Variants in COL26A1 observed in about 807,000 individuals in gnomAD.
The protein encoded by COL26A1 is collagen alpha-1(XXVI) chain.
In COL26A1, 41 loss-of-function variants were observed where a neutral mutation model predicts 59.3. That is an observed-to-expected ratio of 0.69 (90% CI 0.54 to 0.90). The LOEUF (loss-of-function observed/expected upper bound fraction) is 0.90, where lower values mean the gene tolerates loss of function less well. Among genes scored for constraint, COL26A1 ranks in the 40% least tolerant of loss-of-function variants. COL26A1 has a pLI of 0.00. For synonymous variants in COL26A1, 266 were observed against 256.0 expected (o/e 1.04, Z -0.37); for missense variants, 612 against 602.3 (o/e 1.02, Z -0.17).
chr7:101,537,208 G>A (rs953437248), intron 4 of COL26A1, among the ~76,000 whole-genome samples: 1 of 152,214 alleles, frequency 6.6e-6, no homozygotes, highest in Non-Finnish European at 1.5e-5. Context: ...CAGGATTTCT[G>A]CCACCCTCTA....
chr7:101,454,318 G>A (rs1233607758), intron 3 of COL26A1, among the ~76,000 whole-genome samples: 1 of 145,726 alleles, frequency 6.9e-6, no homozygotes, highest in African/African-American at 2.6e-5. Context: ...AGACTGGAGT[G>A]CAATGGCATG....
chr7:101,456,004 C>T (rs562472233), intron 3 of COL26A1, among the ~76,000 whole-genome samples: 67 of 152,164 alleles, frequency 4.4e-4, no homozygotes, highest in African/African-American at 1.6e-3. Flanking sequence ...TTCCTTCTCA[C>T]ATAAATTATC....
chr7:101,387,736 T>TTATATATATATATATTTATATATATA (rs1791615247), intron 1 of COL26A1, among the ~76,000 whole-genome samples: 9 of 106,908 alleles, frequency 8.4e-5, no homozygotes, highest in African/African-American at 3.5e-4. Flanking sequence ...TTTAATATAA[T>TTATATATATATATATTTATATATATA]TATATATATA....
chr7:101,499,996 C>T (rs963126673), intron 3 of COL26A1, among the ~76,000 whole-genome samples: 1 of 152,090 alleles, frequency 6.6e-6, no homozygotes, highest in African/African-American at 2.4e-5. Flanking sequence ...ACTGGACATT[C>T]CCATAACCAT....
At chr7:101,375,746 G>A (rs1048490467) in intron 1 of COL26A1, among the ~76,000 whole-genome samples, 9 of 151,806 alleles carry the variant, frequency 5.9e-5, no homozygotes, top group African/African-American at 2.2e-4. Flanking sequence ...CCAGCACTTT[G>A]GGAGGCTGAG....
intron 3 of COL26A1, among the ~76,000 whole-genome samples, chr7:101,475,984 T>C (rs1415890220): frequency 6.6e-6 from 1 of 150,532 alleles, no homozygotes; most frequent in African/African-American, 2.5e-5. Flanking sequence ...TCTCTTTCTT[T>C]CTTTCTTCTT....
At chr7:101,373,233 G>A (rs1028863172) in intron 1 of COL26A1, among the ~76,000 whole-genome samples, 1 of 152,134 alleles carries the variant, frequency 6.6e-6, no homozygotes, top group African/African-American at 2.4e-5. Flanking sequence ...AGCAGGACCT[G>A]GCCCCTTGGT....
At chr7:101,394,449 C>T (rs940380204) in intron 1 of COL26A1, among the ~76,000 whole-genome samples, 4 of 152,072 alleles carry the variant, frequency 2.6e-5, no homozygotes, top group Non-Finnish European at 5.9e-5. Flanking sequence ...CTGTGTTGCC[C>T]AGGCTAAAGT....
At chr7:101,448,631 T>C (rs963786638) in intron 3 of COL26A1, among the ~76,000 whole-genome samples, 4 of 152,152 alleles carry the variant, frequency 2.6e-5, no homozygotes, top group African/African-American at 7.2e-5. Flanking sequence ...CAGTTGGGAC[T>C]GTAGGTGTGC....
At chr7:101,362,855 G>A (rs1790922438), upstream of COL26A1, 5 of 593,180 alleles carry the variant, frequency 8.4e-6, no homozygotes, top group South Asian at 1.1e-4. Context: ...TTGAAAAGGC[G>A]GCCCCGGAGA....
intron 1 of COL26A1, among the ~76,000 whole-genome samples, chr7:101,399,361 CTCTT>C (rs1791938462): frequency 6.6e-6 from 1 of 152,074 alleles, no homozygotes; most frequent in Non-Finnish European, 1.5e-5. Context: ...CTTTGTCTCT[CTCTT>C]CTTTCTTTCT....
intron 8 of COL26A1, among the ~76,000 whole-genome samples, chr7:101,547,562 TA>T (rs1410362778): frequency 6.6e-6 from 1 of 152,192 alleles, no homozygotes; most frequent in Non-Finnish European, 1.5e-5. Flanking sequence ...AGGAAGTCCC[TA>T]CCTTTGAGGC....
At position 101,549,191 on chromosome 7, in the gene COL26A1, C is replaced by A. The variant is rs1293006613; in HGVS notation, c.961C>A (p.Pro321Thr). The A allele has an allele frequency of 2.5e-6, 4 of 1,603,220 alleles. No individual in the cohort carries two copies. Among genetic ancestry groups the A allele is most frequent in the African/African-American group, 1.3e-5 (1 of 74,206 alleles). Residue 321 changes from proline to threonine, a missense_variant, in exon 9 of 13, where the codon CCC becomes ACC. Physicochemically the swap from Pro to Thr is conservative, Grantham distance 38. Coordinates refer to ENST00000313669, the MANE Select transcript of COL26A1 (RefSeq NM_001278563.3). ...CACAGGTCCCCCTGGGCCTCGAGGTCCCCCAGGACCCCCAGGAACACCTGG... is the reference window on the plus strand; with the variant it reads ...CACAGGTCCCCCTGGGCCTCGAGGTACCCCAGGACCCCCAGGAACACCTGG... ...GPPGPPGPRG[P>T]PGPPGTPGSQ... is the part of the protein sequence containing the mutation.
chr7:101,373,348 A>T (rs577721887), intron 1 of COL26A1, among the ~76,000 whole-genome samples: 1 of 152,326 alleles, frequency 6.6e-6, no homozygotes, highest in South Asian at 2.1e-4. Context: ...GAACATTGCA[A>T]ATTTTTTGCA....
chr7:101,364,875 C>G (rs527721897), intron 1 of COL26A1, among the ~76,000 whole-genome samples: 1 of 152,228 alleles, frequency 6.6e-6, no homozygotes, highest in South Asian at 2.1e-4. Context: ...AGGCCCAGAT[C>G]TGGTGTTTTC....
At chr7:101,456,418 T>C (rs1338825411) in intron 3 of COL26A1, among the ~76,000 whole-genome samples, 1 of 151,898 alleles carries the variant, frequency 6.6e-6, no homozygotes, top group Non-Finnish European at 1.5e-5. Context: ...CTCACGCCTG[T>C]AATCCCAGCA....
chr7:101,489,723 TTCTCTCTC>T lies in COL26A1; in HGVS notation c.385+41940_385+41947del, dbSNP rs1483082538. ...TGTCTTTCTTTCTTTCATTCTTTCTTTCTCTCTCTCTTTCTCTCTTTCTTTCTTGTCTC... is the reference window on the plus strand; with the variant it reads ...TGTCTTTCTTTCTTTCATTCTTTCTTTCTTTCTCTCTTTCTTTCTTGTCTC... On this transcript the variant is annotated intron_variant, in intron 3 of 12. Coordinates refer to ENST00000313669, the MANE Select transcript of COL26A1 (RefSeq NM_001278563.3). Among the ~76,000 whole-genome samples the T allele has an allele frequency of 2.1e-4, 22 of 104,276 alleles. 2 individuals carry two copies. In the South Asian group the frequency reaches 2.2e-3, roughly 10 times the overall value. 68.4% of individuals were successfully genotyped at this position (104,276 alleles called of 152,430 possible).
chr7:101,467,901 G>A (rs7800427), intron 3 of COL26A1, among the ~76,000 whole-genome samples: 13,463 of 151,940 alleles, frequency 0.089, 692 homozygotes, highest in Middle Eastern at 0.13. Flanking sequence ...AGAAGGAGCC[G>A]CCATGTTGAA....
At chr7:101,456,462 C>T (rs1005964664) in intron 3 of COL26A1, among the ~76,000 whole-genome samples, 13 of 151,888 alleles carry the variant, frequency 8.6e-5, no homozygotes, top group African/African-American at 1.5e-4. Context: ...GTCGGGAGTT[C>T]GAGACCAGCC....
Sources: allele counts gnomAD v4.1 joint callset (sites outside exome capture counted in the v4.1 genomes callset), GRCh38; gene constraint gnomAD v4.1.1; transcripts MANE v1.5; gene names NCBI Gene and HGNC (gene_info 2026-07-23, HGNC 2026-07-21).